The following SIL1 variants were observed in gnomAD, a reference collection of about 807,000 sequenced individuals.
SIL1 encodes the protein SIL1 nucleotide exchange factor.
SIL1 carries 40 observed loss-of-function variants against 49.1 expected under a neutral mutation model. The ratio of observed to expected loss-of-function variants is 0.81; its 90% CI spans 0.63 to 1.06. The LOEUF is 1.06. SIL1 is among the 50% of genes least tolerant of loss of function. SIL1 has a pLI of 0.00. For synonymous variants in SIL1, 253 were observed against 250.8 expected (o/e 1.01, Z -0.08); for missense variants, 500 against 572.6 (o/e 0.87, Z 1.29).
At chr5:139,182,404 T>G (rs1390649364) in intron 1 of SIL1, among the ~76,000 whole-genome samples, 1 of 152,220 alleles carries the variant, frequency 6.6e-6, no homozygotes, top group East Asian at 1.9e-4. Flanking sequence ...TTTCCAGGGC[T>G]AAGCAGGTCC....
intron 3 of SIL1, among the ~76,000 whole-genome samples, chr5:139,098,680 C>G (rs56820039): frequency 6.6e-6 from 1 of 152,190 alleles, no homozygotes; most frequent in East Asian, 1.9e-4. Flanking sequence ...GAGAAAATAT[C>G]TGCAAACTAC....
At chr5:139,164,968 T>C (rs934647895) in intron 1 of SIL1, among the ~76,000 whole-genome samples, 3 of 152,222 alleles carry the variant, frequency 2.0e-5, no homozygotes, top group Non-Finnish European at 4.4e-5. Flanking sequence ...CTCTGCCATA[T>C]CTTGAATGGC....
intron 3 of SIL1, among the ~76,000 whole-genome samples, chr5:139,079,994 A>T (rs1306157033): frequency 6.6e-6 from 1 of 152,166 alleles, no homozygotes; most frequent in African/African-American, 2.4e-5. Flanking sequence ...AAGTCTCCAA[A>T]ACCTATATTT....
At chr5:138,971,585 T>C (rs558281229) in intron 7 of SIL1, among the ~76,000 whole-genome samples, 6 of 152,274 alleles carry the variant, frequency 3.9e-5, no homozygotes, top group African/African-American at 1.2e-4. Flanking sequence ...CCCCTGAACC[T>C]GGAAACCTCA....
At chr5:139,176,597 T>C (rs1384828380) in intron 1 of SIL1, among the ~76,000 whole-genome samples, 2 of 152,192 alleles carry the variant, frequency 1.3e-5, no homozygotes, top group Non-Finnish European at 2.9e-5. Flanking sequence ...AAGAACAAGA[T>C]GCCAACAGAT....
rs56712038 is a variant in SIL1 at position 139,071,505 on chromosome 5, T to G, written c.245-20459A>C. The stretch of plus-strand genomic sequence containing the variant: ...CATTAAGCTACATATTTTGTATAAT[T>G]TTCTATATCTGTGTTTAACTTTATA... On this transcript the variant is annotated intron_variant, in intron 3 of 9. Coordinates refer to ENST00000394817, the MANE Select transcript of SIL1 (RefSeq NM_022464.5). 5.5e-3 allele frequency among the ~76,000 whole-genome samples: 843 copies of G among 152,236 alleles called. 4 individuals are homozygous for G. The highest frequency in any genetic ancestry group is 0.019 in the African/African-American group (808 of 41,524).
chr5:138,963,893 T>C (rs185628702), intron 7 of SIL1, among the ~76,000 whole-genome samples: 26 of 152,244 alleles, frequency 1.7e-4, no homozygotes, highest in African/African-American at 5.8e-4. Flanking sequence ...GCTCACATTG[T>C]AACAGAGAAG....
intron 7 of SIL1, among the ~76,000 whole-genome samples, chr5:138,979,023 G>GA (rs1257130532): frequency 2.6e-5 from 4 of 151,880 alleles, no homozygotes; most frequent in Admixed American, 6.6e-5. Context: ...TCACTTTCTT[G>GA]ATGGTATCCT....
chr5:139,012,131 G>A (rs1287841383), intron 7 of SIL1, among the ~76,000 whole-genome samples: 1 of 152,058 alleles, frequency 6.6e-6, no homozygotes, highest in African/African-American at 2.4e-5. Context: ...ATGGCTCACT[G>A]CAGCCTCAAC....
intron 1 of SIL1, among the ~76,000 whole-genome samples, chr5:139,154,450 C>G (rs1258541582): frequency 6.6e-6 from 1 of 152,240 alleles, no homozygotes; most frequent in Non-Finnish European, 1.5e-5. Flanking sequence ...TCTATCCAGC[C>G]ATGTGCTCAT....
intron 1 of SIL1, among the ~76,000 whole-genome samples, chr5:139,154,078 C>T (rs1405584595): frequency 2.0e-5 from 3 of 152,198 alleles, no homozygotes; most frequent in Non-Finnish European, 4.4e-5. Flanking sequence ...CTTTTCTTAT[C>T]CTGAGCCAAC....
intron 3 of SIL1, among the ~76,000 whole-genome samples, chr5:139,119,296 G>A (rs1044067927): frequency 1.3e-5 from 2 of 152,148 alleles, no homozygotes; most frequent in Non-Finnish European, 2.9e-5. Context: ...CTGCCCAGAG[G>A]GTTGGGCAAG....
chr5:139,159,547 T>C (rs1751467297), intron 1 of SIL1, among the ~76,000 whole-genome samples: 1 of 152,230 alleles, frequency 6.6e-6, no homozygotes, highest in South Asian at 2.1e-4. Flanking sequence ...TTTTAAGAGC[T>C]TTGAGGCTTC....
At chr5:139,167,239 C>T (rs959864381) in intron 1 of SIL1, among the ~76,000 whole-genome samples, 28 of 152,106 alleles carry the variant, frequency 1.8e-4, no homozygotes, top group African/African-American at 4.3e-4. Context: ...AAATTACAGG[C>T]GTGAGCCACA....
intron 1 of SIL1, chr5:139,137,289 T>C (rs1367014337): frequency 7.1e-6 from 5 of 702,248 alleles, no homozygotes; most frequent in Middle Eastern, 2.3e-4. Context: ...GCTGCTCATT[T>C]TACCCATGAG....
chr5:139,065,222 G>C (rs1249085073), intron 3 of SIL1, among the ~76,000 whole-genome samples: 1 of 152,142 alleles, frequency 6.6e-6, no homozygotes, highest in East Asian at 1.9e-4. Context: ...AACTTAGCCT[G>C]TACCACATCG....
chr5:139,138,918 G>C (rs1326505671), intron 1 of SIL1, among the ~76,000 whole-genome samples: 1 of 152,186 alleles, frequency 6.6e-6, no homozygotes, highest in African/African-American at 2.4e-5. Flanking sequence ...ACTATACTCT[G>C]GGTGGTTACA....
At chr5:139,078,590 G>A (rs1477489715) in intron 3 of SIL1, among the ~76,000 whole-genome samples, 1 of 152,206 alleles carries the variant, frequency 6.6e-6, no homozygotes, top group Non-Finnish European at 1.5e-5. Flanking sequence ...ACTACCAGTT[G>A]TGGCTTCTCT....
At chr5:139,133,271 T>C (rs945597033) in intron 1 of SIL1, 2 of 152,226 alleles carry the variant, frequency 1.3e-5, no homozygotes, top group African/African-American at 4.8e-5. Context: ...ATGCCCATTT[T>C]TCTATCAAAA....
Sources: gnomAD v4.1 joint callset for allele counts (sites outside exome capture counted in the v4.1 genomes callset) on GRCh38, gnomAD v4.1.1 for gene constraint, MANE v1.5 for transcripts, NCBI Gene and HGNC (gene_info 2026-07-23, HGNC 2026-07-21) for gene names.